Variants in CEP63 observed in about 807,000 individuals in gnomAD.
CEP63 encodes the protein centrosomal protein 63.
Under a neutral mutation model 89.1 loss-of-function variants are expected in CEP63, and 84 were observed. That is an observed-to-expected ratio of 0.94 (90% CI 0.79 to 1.13). The LOEUF is 1.13. Among genes scored for constraint, CEP63 ranks in the 50% most tolerant of loss-of-function variants. The pLI is 0.00. For synonymous variants in CEP63, 267 were observed against 272.5 expected, an observed-to-expected ratio of 0.98 and a Z score of 0.20; for missense variants, 838 against 813.3, an observed-to-expected ratio of 1.03 and a Z score of -0.37.
chr3:134,557,158 C>A (rs986999810), intron 12 of CEP63, among the ~76,000 whole-genome samples: 2 of 151,952 alleles, frequency 1.3e-5, no homozygotes, highest in South Asian at 2.1e-4. Context: ...AATTACTGAC[C>A]ATGTTTTAAA....
At chr3:134,664,213 C>T in the CEP63 span, among the ~76,000 whole-genome samples, 2 of 152,182 alleles carry the variant, frequency 1.3e-5, no homozygotes, top group African/African-American at 2.4e-5. Context: ...CTAAAAAGGC[C>T]GTCTAGGAAC....
At chr3:134,628,142 T>G in the CEP63 span, 1 of 360,216 alleles carries the variant, frequency 2.8e-6, no homozygotes, top group Non-Finnish European at 5.1e-6. Context: ...CCTGCCCTCT[T>G]TTGGAGTTTC....
chr3:134,489,177 A>T (rs977149693), intron 1 of CEP63, among the ~76,000 whole-genome samples: 1 of 151,924 alleles, frequency 6.6e-6, no homozygotes, highest in Non-Finnish European at 1.5e-5. Context: ...AAAAAAAAAA[A>T]AAATTCAGTT....
the CEP63 span, among the ~76,000 whole-genome samples, chr3:134,634,431 T>C: frequency 6.6e-6 from 1 of 152,082 alleles, no homozygotes; most frequent in Admixed American, 6.6e-5. Context: ...TAATAAAAAA[T>C]AGACTCACAC....
the CEP63 span, among the ~76,000 whole-genome samples, chr3:134,781,004 T>C: frequency 6.6e-6 from 1 of 152,250 alleles, no homozygotes; most frequent in African/African-American, 2.4e-5. Context: ...TGGCAACGCT[T>C]ATTGAATAGT....
chr3:134,737,224 C>T, the CEP63 span, among the ~76,000 whole-genome samples: 1 of 152,072 alleles, frequency 6.6e-6, no homozygotes, highest in Non-Finnish European at 1.5e-5. Context: ...AGAAATTTTT[C>T]ATGGCTTTAG....
At chr3:134,514,021 G>C (rs981500074) in intron 3 of CEP63, among the ~76,000 whole-genome samples, 2 of 152,140 alleles carry the variant, frequency 1.3e-5, no homozygotes, top group Non-Finnish European at 2.9e-5. Context: ...AGGAAAAATA[G>C]TAGAAGCAGC....
At chr3:134,530,162 C>T (rs548253050) in intron 3 of CEP63, among the ~76,000 whole-genome samples, 16 of 152,190 alleles carry the variant, frequency 1.1e-4, no homozygotes, top group South Asian at 4.1e-4. Context: ...CATGAGCCAC[C>T]GCGCCCAACA....
chr3:134,536,154 A>G (rs1327039640), intron 5 of CEP63: 1 of 152,226 alleles, frequency 6.6e-6, no homozygotes, highest in African/African-American at 2.4e-5. Flanking sequence ...TTACAACCCC[A>G]ACTGTGAAGA....
At chr3:134,618,762 C>A in the CEP63 span, among the ~76,000 whole-genome samples, 3,911 of 152,264 alleles carry the variant, frequency 0.026, 69 homozygotes, top group South Asian at 0.054. Context: ...CCAAAAGAGG[C>A]TCCCTGTGTC....
chr3:134,562,194 T>A lies in CEP63; in HGVS notation c.*659T>A, dbSNP rs973345219. 4 of 986,142 alleles carry A rather than the reference T, an allele frequency of 4.1e-6. No individual in the cohort carries two copies. In the Admixed American group the frequency reaches 2.5e-4, roughly 60 times the overall value. 61.1% of individuals were successfully genotyped at this position (986,142 alleles called of 1,614,324 possible). A position where few individuals can be genotyped will look rare whatever the true frequency, so the allele number is the denominator to read the frequency against. Reference sequence around the variant, plus strand: ...CCATGGAATATCCATTGGAAATAAATGTTCATCGTCTGCACTGCTGAGGAC... The same window carrying A: ...CCATGGAATATCCATTGGAAATAAAAGTTCATCGTCTGCACTGCTGAGGAC... On this transcript the variant is annotated 3_prime_UTR_variant, in exon 15 of 15. Coordinates refer to ENST00000675561, the MANE Select transcript of CEP63 (RefSeq NM_001353108.3).
the CEP63 span, among the ~76,000 whole-genome samples, chr3:134,757,579 T>C: frequency 6.6e-6 from 1 of 152,116 alleles, no homozygotes; most frequent in Admixed American, 6.5e-5. Context: ...TCCAAAATTT[T>C]CCATCCTAAA....
the CEP63 span, among the ~76,000 whole-genome samples, chr3:134,654,404 A>G: frequency 5.9e-5 from 9 of 152,312 alleles, no homozygotes; most frequent in African/African-American, 2.2e-4. Context: ...CTATAGAGAT[A>G]GAGTAAGTAA....
the CEP63 span, among the ~76,000 whole-genome samples, chr3:134,661,811 C>CA: frequency 5.3e-5 from 8 of 150,652 alleles, no homozygotes; most frequent in Non-Finnish European, 1.0e-4. Context: ...ATTTGTGCCC[C>CA]CCCCCTCAAA....
At chr3:134,681,403 A>G in the CEP63 span, among the ~76,000 whole-genome samples, 5 of 152,200 alleles carry the variant, frequency 3.3e-5, no homozygotes, top group Non-Finnish European at 5.9e-5. Context: ...CTCAGGGTAC[A>G]TGGTGCTCCA....
At chr3:134,602,491 A>C in the CEP63 span, among the ~76,000 whole-genome samples, 2 of 152,146 alleles carry the variant, frequency 1.3e-5, no homozygotes, top group Admixed American at 1.3e-4. Context: ...GCTCTCGTGC[A>C]GCTGGAATTC....
At chr3:134,715,528 GTT>G in the CEP63 span, among the ~76,000 whole-genome samples, 16 of 21,122 alleles carry the variant, frequency 7.6e-4, no homozygotes, top group Non-Finnish European at 9.4e-4. Context: ...TTTTTTTTTT[GTT>G]TTTTTTTGTT....
chr3:134,647,173 C>T, the CEP63 span, among the ~76,000 whole-genome samples: 22 of 152,332 alleles, frequency 1.4e-4, no homozygotes, highest in South Asian at 4.1e-4. Context: ...TCCTCCCCTA[C>T]GGCTCAGCCA....
At chr3:134,558,407 T>C in intron 13 of CEP63, 60 bp downstream of exon 13, 2 of 1,149,188 alleles carry the variant, frequency 1.7e-6, no homozygotes, top group Middle Eastern at 2.8e-4. Context: ...TCTCATTTCT[T>C]TGAGAATAAT....
Sources: gnomAD v4.1 joint callset for allele counts (sites outside exome capture counted in the v4.1 genomes callset) on GRCh38, gnomAD v4.1.1 for gene constraint, MANE v1.5 for transcripts, NCBI Gene and HGNC (gene_info 2026-07-23, HGNC 2026-07-21) for gene names.